SAXO1: variants seen among roughly 807,000 people sequenced by gnomAD.
The protein encoded by SAXO1 is 4930500O09Rik.
SAXO1 carries 21 observed loss-of-function variants against 17.5 expected under a neutral mutation model. That is an observed-to-expected ratio of 1.20 (90% CI 0.85 to 1.72). The LOEUF is 1.72. SAXO1 is among the 40% of genes most tolerant of loss of function. The pLI, the probability that SAXO1 is intolerant of heterozygous loss-of-function variation, is 0.00. For synonymous variants in SAXO1, 274 were observed against 216.5 expected, an observed-to-expected ratio of 1.27 and a Z score of -2.33; for missense variants, 843 against 596.0, an observed-to-expected ratio of 1.41 and a Z score of -4.32.
Position 18,928,292 on chromosome 9 carries a change from G to A in SAXO1, c.1185C>T (p.Gly395=). 1 of 1,613,044 alleles carries A rather than the reference G, an allele frequency of 6.2e-7. No homozygotes were observed. The highest frequency in any genetic ancestry group is 1.3e-5 in the African/African-American group (1 of 74,992). The stretch of plus-strand genomic sequence containing the variant: ...TTTCCACAGGGACATTTCCTCGAGG[G>A]CCAGACCAATGAGGCTTACAGCTTT... ...NTKSCKPHWS[G]PRGNVPVESQ... Residue 395 remains glycine, a synonymous_variant, in exon 4 of 4, where the codon GGC becomes GGT. Coordinates refer to ENST00000380534, the MANE Select transcript of SAXO1 (RefSeq NM_153707.4).
intron 1 of SAXO1, among the ~76,000 whole-genome samples, chr9:18,954,073 A>T (rs1832144161): frequency 6.6e-6 from 1 of 152,204 alleles, no homozygotes; most frequent in Non-Finnish European, 1.5e-5. Flanking sequence ...AGGTACATCC[A>T]CAGACATACC....
chr9:18,997,297 G>A lies in SAXO1; in HGVS notation c.38+35574C>T, dbSNP rs150441278. Among the ~76,000 whole-genome samples the A allele has an allele frequency of 3.5e-3, 527 of 152,386 alleles. 2 individuals are homozygous for A. The highest frequency in any genetic ancestry group is 6.1e-3 in the Non-Finnish European group (413 of 68,038). Reference sequence around the variant, plus strand: ...CCAGCAGACCAGGACATTCCCTCCTGTGCCTGGCTAGACAGGTCACATGCC... The same window carrying A: ...CCAGCAGACCAGGACATTCCCTCCTATGCCTGGCTAGACAGGTCACATGCC... On this transcript the variant is annotated intron_variant, in intron 1 of 3. Coordinates refer to ENST00000380534, the MANE Select transcript of SAXO1 (RefSeq NM_153707.4).
At chr9:19,022,882 G>T (rs999853510) in intron 1 of SAXO1, among the ~76,000 whole-genome samples, 1 of 152,106 alleles carries the variant, frequency 6.6e-6, no homozygotes, top group Non-Finnish European at 1.5e-5. Context: ...AGAATAGTAG[G>T]GTATGCTATG....
intron 1 of SAXO1, among the ~76,000 whole-genome samples, chr9:18,954,191 G>C (rs759233339): frequency 1.3e-5 from 2 of 152,110 alleles, no homozygotes; most frequent in Admixed American, 1.3e-4. Context: ...AGGGGTAAAA[G>C]GACATAACAC....
intron 1 of SAXO1, among the ~76,000 whole-genome samples, chr9:18,998,459 A>T (rs1447245658): frequency 6.6e-6 from 1 of 152,218 alleles, no homozygotes; most frequent in Non-Finnish European, 1.5e-5. Context: ...GAAATTTGGG[A>T]CTATGTGAAA....
intron 1 of SAXO1, among the ~76,000 whole-genome samples, chr9:19,012,839 G>A (rs1051302136): frequency 6.6e-6 from 1 of 152,178 alleles, no homozygotes. Flanking sequence ...GTCTGTATTA[G>A]CCAGGTTAAT....
At chr9:19,034,641 A>G (rs28510837), upstream of SAXO1, among the ~76,000 whole-genome samples, 45,780 of 152,056 alleles carry the variant, frequency 0.3, 8,021 homozygotes, top group African/African-American at 0.5. Context: ...CTTATTGATC[A>G]TTCTTAAGAA....
intron 2 of SAXO1, among the ~76,000 whole-genome samples, chr9:18,944,495 G>T (rs982555689): frequency 6.6e-6 from 1 of 152,156 alleles, no homozygotes; most frequent in African/African-American, 2.4e-5. Context: ...TTCTTTTTAA[G>T]AACACTGGAT....
chr9:18,987,276 T>C (rs1320647350), intron 1 of SAXO1, among the ~76,000 whole-genome samples: 3 of 152,086 alleles, frequency 2.0e-5, no homozygotes, highest in Non-Finnish European at 4.4e-5. Flanking sequence ...GCATGTTTTC[T>C]CTCCCTCTTC....
intron 2 of SAXO1, among the ~76,000 whole-genome samples, chr9:18,942,359 CA>C (rs1831601350): frequency 6.6e-6 from 1 of 152,162 alleles, no homozygotes; most frequent in East Asian, 1.9e-4. Flanking sequence ...TCACGATCCC[CA>C]CCCCACCTGA....
intron 1 of SAXO1, chr9:19,027,436 G>A (rs1024546413): frequency 6.6e-6 from 5 of 757,596 alleles, no homozygotes; most frequent in Admixed American, 1.8e-5. Flanking sequence ...CCAGGAACTG[G>A]TGGAGGCCAC....
intron 1 of SAXO1, among the ~76,000 whole-genome samples, chr9:19,024,442 TG>T (rs1387052900): frequency 2.8e-5 from 4 of 140,546 alleles, no homozygotes; most frequent in African/African-American, 1.1e-4. Context: ...GGGACAGTTG[TG>T]GGGTGGGGCG....
chr9:18,989,126 T>C (rs980900145), intron 1 of SAXO1, among the ~76,000 whole-genome samples: 8 of 152,208 alleles, frequency 5.3e-5, no homozygotes, highest in Non-Finnish European at 1.2e-4. Flanking sequence ...CTATCATTAC[T>C]TGGAAAATGG....
intron 2 of SAXO1, among the ~76,000 whole-genome samples, chr9:18,950,493 A>G (rs188710606): frequency 7.9e-5 from 12 of 152,294 alleles, no homozygotes; most frequent in East Asian, 7.7e-4. Context: ...CCTATATTAT[A>G]TAGATTAATC....
At chr9:19,002,456 G>C (rs1045968907) in intron 1 of SAXO1, among the ~76,000 whole-genome samples, 38 of 152,208 alleles carry the variant, frequency 2.5e-4, no homozygotes, top group African/African-American at 8.9e-4. Flanking sequence ...GAGAATTTTA[G>C]GCCAATATCC....
At chr9:18,933,089 C>T (rs1588397764) in intron 3 of SAXO1, among the ~76,000 whole-genome samples, 1 of 152,236 alleles carries the variant, frequency 6.6e-6, no homozygotes, top group Non-Finnish European at 1.5e-5. Flanking sequence ...TGAAAGCTGA[C>T]ATCCTAGCCT....
At chr9:19,016,067 G>C (rs1414954299) in intron 1 of SAXO1, among the ~76,000 whole-genome samples, 1 of 152,188 alleles carries the variant, frequency 6.6e-6, no homozygotes, top group Non-Finnish European at 1.5e-5. Context: ...ACCATCATGA[G>C]AAAAGCTTTG....
At chr9:18,987,542 G>A (rs1360812386) in intron 1 of SAXO1, among the ~76,000 whole-genome samples, 1 of 152,160 alleles carries the variant, frequency 6.6e-6, no homozygotes, top group East Asian at 1.9e-4. Context: ...AGCCTCCTGT[G>A]ACCTCCTGTA....
At chr9:19,020,522 TTTG>T (rs775483622) in intron 1 of SAXO1, among the ~76,000 whole-genome samples, 1 of 151,988 alleles carries the variant, frequency 6.6e-6, no homozygotes, top group Non-Finnish European at 1.5e-5. Flanking sequence ...CAGCTAATTT[TTTG>T]TTGTTGTATT....
Sources: allele counts gnomAD v4.1 joint callset (sites outside exome capture counted in the v4.1 genomes callset), GRCh38; gene constraint gnomAD v4.1.1; transcripts MANE v1.5; gene names NCBI Gene and HGNC (gene_info 2026-07-23, HGNC 2026-07-21).